Variants in EXT1 observed in about 807,000 individuals in gnomAD.
EXT1 encodes exostosin glycosyltransferase 1.
Under a neutral mutation model 82.5 loss-of-function variants are expected in EXT1, and 20 were observed. That is an observed-to-expected ratio of 0.24 (90% CI 0.17 to 0.35). The LOEUF is 0.35. Ranked by LOEUF, EXT1 falls within the 10% of genes least tolerant of loss-of-function variation. The pLI is 1.00. For missense variants in EXT1, 757 were observed against 936.5 expected (o/e 0.81, Z 2.50); for synonymous variants, 348 against 350.8 (o/e 0.99, Z 0.09).
chr8:117,891,810 T>C (rs1255746426), intron 1 of EXT1, among the ~76,000 whole-genome samples: 1 of 147,946 alleles, frequency 6.8e-6, no homozygotes, highest in African/African-American at 2.5e-5. Flanking sequence ...TCTTGCTTTT[T>C]TTTTTTTTTT....
intron 1 of EXT1, among the ~76,000 whole-genome samples, chr8:118,004,805 A>C (rs937758086): frequency 6.6e-6 from 1 of 152,202 alleles, no homozygotes; most frequent in South Asian, 2.1e-4. Context: ...ATTGGTCTCC[A>C]AATATGCTGA....
intron 1 of EXT1, among the ~76,000 whole-genome samples, chr8:117,846,802 TG>T (rs1387763099): frequency 6.6e-6 from 1 of 152,084 alleles, no homozygotes; most frequent in Non-Finnish European, 1.5e-5. Context: ...GGCAGCGCAG[TG>T]TGTCTGTTCT....
chr8:117,928,406 T>C (rs1054641509), intron 1 of EXT1, among the ~76,000 whole-genome samples: 9 of 152,166 alleles, frequency 5.9e-5, no homozygotes, highest in Non-Finnish European at 1.5e-5. Context: ...CACGAGCAAA[T>C]ACAAAAGGTA....
intron 1 of EXT1, among the ~76,000 whole-genome samples, chr8:118,017,604 A>G (rs1816025956): frequency 6.6e-6 from 1 of 152,218 alleles, no homozygotes; most frequent in Admixed American, 6.5e-5. Flanking sequence ...CCACAGTCCA[A>G]TGAACAAAAC....
At chr8:117,973,983 A>AAGGAAGGAAGGG (rs1815016232) in intron 1 of EXT1, among the ~76,000 whole-genome samples, 1 of 151,158 alleles carries the variant, frequency 6.6e-6, no homozygotes, top group African/African-American at 2.4e-5. Context: ...GGAAGGAAGG[A>AAGGAAGGAAGGG]AGGAAATAAA....
chr8:117,989,771 C>A (rs953307676), intron 1 of EXT1, among the ~76,000 whole-genome samples: 1 of 152,232 alleles, frequency 6.6e-6, no homozygotes, highest in Non-Finnish European at 1.5e-5. Context: ...TGCCTAAGGA[C>A]AACAGGTGCC....
At chr8:118,055,938 A>G (rs1188141208) in intron 1 of EXT1, among the ~76,000 whole-genome samples, 2 of 152,208 alleles carry the variant, frequency 1.3e-5, no homozygotes, top group African/African-American at 4.8e-5. Context: ...TTCTACCACT[A>G]TGACATCATA....
At chr8:117,846,648 C>T (rs1455186288) in intron 1 of EXT1, among the ~76,000 whole-genome samples, 1 of 152,154 alleles carries the variant, frequency 6.6e-6, no homozygotes, top group Non-Finnish European at 1.5e-5. Context: ...AAGAGTCACA[C>T]ACAGGCCCAA....
At chr8:118,046,442 T>C (rs1816624797) in intron 1 of EXT1, among the ~76,000 whole-genome samples, 1 of 152,128 alleles carries the variant, frequency 6.6e-6, no homozygotes, top group African/African-American at 2.4e-5. Flanking sequence ...ATCAAAAAAT[T>C]TGGCATGTCC....
intron 1 of EXT1, among the ~76,000 whole-genome samples, chr8:117,985,467 T>C (rs1815298202): frequency 6.6e-6 from 1 of 152,124 alleles, no homozygotes; most frequent in Admixed American, 6.6e-5. Flanking sequence ...ATCTCTGGAA[T>C]GGGACCCCTG....
chr8:117,945,999 T>C (rs1429295045), intron 1 of EXT1, among the ~76,000 whole-genome samples: 2 of 152,182 alleles, frequency 1.3e-5, no homozygotes, highest in Admixed American at 6.5e-5. Context: ...ACCTCCTGGA[T>C]TCAAGTGATT....
At position 117,799,578 on chromosome 8, in the gene EXT1, TGTCATTCTGCTCATCTAAG is replaced by T; in HGVS notation, c.*115_*133del. 4 of 989,676 alleles carry T rather than the reference TGTCATTCTGCTCATCTAAG, an allele frequency of 4.0e-6. No homozygotes were observed. The highest frequency in any genetic ancestry group is 4.6e-5 in the Admixed American group (2 of 43,910). 61.3% of individuals were successfully genotyped at this position (989,676 alleles called of 1,614,324 possible). On this transcript the variant is annotated 3_prime_UTR_variant, in exon 11 of 11. Coordinates refer to ENST00000378204, the MANE Select transcript of EXT1 (RefSeq NM_000127.3). ...GAGTTCTCATTGGCCTTTTTTTTTTTGTCATTCTGCTCATCTAAGTTTTTGGATAGTTGGCACAATCTGG... is the reference window on the plus strand; with the variant it reads ...GAGTTCTCATTGGCCTTTTTTTTTTTTTTTTGGATAGTTGGCACAATCTGG...
chr8:117,859,756 C>T (rs141250161), intron 1 of EXT1, among the ~76,000 whole-genome samples: 1 of 152,262 alleles, frequency 6.6e-6, no homozygotes, highest in Non-Finnish European at 1.5e-5. Flanking sequence ...AACATCTTTT[C>T]AACATGAAAA....
Position 117,968,570 on chromosome 8 carries a change from T to A in EXT1, c.963-131369A>T, listed in dbSNP as rs1166426110. ...ATTTATTTATTTTTTTTTTTTTTTT[T>A]TTTTTTTTTTTTTTTTTGAGACGGA... On this transcript the variant is annotated intron_variant, in intron 1 of 10. Coordinates refer to ENST00000378204, the MANE Select transcript of EXT1 (RefSeq NM_000127.3). Among the ~76,000 whole-genome samples the A allele has an allele frequency of 1.2e-3, 18 of 14,972 alleles. 3 individuals are homozygous for A. Among genetic ancestry groups the A allele is most frequent in the African/African-American group, 4.4e-3 (5 of 1,130 alleles). The allele number at this position is 14,972 out of a possible 152,430, so 9.8% of individuals were successfully genotyped here.
intron 1 of EXT1, among the ~76,000 whole-genome samples, chr8:117,981,604 C>T (rs1191941882): frequency 6.6e-6 from 1 of 152,096 alleles, no homozygotes; most frequent in Admixed American, 6.5e-5. Flanking sequence ...TGGCTGTAAT[C>T]CCATGGGAGA....
chr8:117,826,523 C>A (rs927901801), intron 4 of EXT1, among the ~76,000 whole-genome samples: 1 of 152,144 alleles, frequency 6.6e-6, no homozygotes, highest in Non-Finnish European at 1.5e-5. Context: ...ATCTTTGATA[C>A]GTGATACTTA....
At chr8:117,870,823 T>TCTCACACACACACACACACACA (rs150568638) in intron 1 of EXT1, among the ~76,000 whole-genome samples, 42 of 146,870 alleles carry the variant, frequency 2.9e-4, no homozygotes, top group African/African-American at 9.3e-4. Flanking sequence ...AAATGCTTTG[T>TCTCACACACACACACACACACA]CACACACACA....
chr8:117,885,634 AAT>A (rs1041558360), intron 1 of EXT1, among the ~76,000 whole-genome samples: 12 of 152,316 alleles, frequency 7.9e-5, no homozygotes, highest in African/African-American at 2.9e-4. Flanking sequence ...CTTGGCTTAA[AAT>A]GTGATACTGA....
chr8:117,952,380 C>G (rs1484969365), intron 1 of EXT1, among the ~76,000 whole-genome samples: 1 of 152,166 alleles, frequency 6.6e-6, no homozygotes, highest in Non-Finnish European at 1.5e-5. Context: ...TACTGCCTTC[C>G]AGGTAGCCTG....
Sources: allele counts gnomAD v4.1 joint callset (sites outside exome capture counted in the v4.1 genomes callset), GRCh38; gene constraint gnomAD v4.1.1; transcripts MANE v1.5; gene names NCBI Gene and HGNC (gene_info 2026-07-23, HGNC 2026-07-21).